The following LPAR1 variants were observed in gnomAD, a reference collection of about 807,000 sequenced individuals.
LPAR1 encodes lysophosphatidic acid receptor 1.
Under a neutral mutation model 23.8 loss-of-function variants are expected in LPAR1, and 5 were observed. The observed-to-expected ratio is 0.21, with a 90% CI of 0.11 to 0.44. The LOEUF (loss-of-function observed/expected upper bound fraction) is 0.44, where lower values mean the gene tolerates loss of function less well. Ranked by LOEUF, LPAR1 falls within the 20% of genes least tolerant of loss-of-function variation. The probability of loss-of-function intolerance (pLI) is 0.99; values close to 1 mark genes in which losing one functional copy is unlikely to be tolerated. For missense variants in LPAR1, 311 were observed against 482.8 expected (o/e 0.64, Z 3.33); for synonymous variants, 160 against 164.7 (o/e 0.97, Z 0.22).
At chr9:110,943,837 G>A (rs2095271931) in intron 4 of LPAR1, among the ~76,000 whole-genome samples, 1 of 136,918 alleles carries the variant, frequency 7.3e-6, no homozygotes, top group Non-Finnish European at 1.5e-5. Flanking sequence ...TCCAGCCTGA[G>A]TAACAAAGCA....
intron 5 of LPAR1, among the ~76,000 whole-genome samples, chr9:110,894,361 T>TCC (rs200365241): frequency 0.015 from 2,338 of 152,318 alleles, 24 homozygotes; most frequent in Non-Finnish European, 0.023. Flanking sequence ...AGCCTCAATA[T>TCC]CCTTATCTGT....
At chr9:110,905,726 C>T (rs559734175) in intron 5 of LPAR1, among the ~76,000 whole-genome samples, 133 of 152,258 alleles carry the variant, frequency 8.7e-4, no homozygotes, top group Non-Finnish European at 1.5e-3. Flanking sequence ...CTTGCATTTT[C>T]TTATCAGTAA....
intron 4 of LPAR1, among the ~76,000 whole-genome samples, chr9:110,955,677 T>A (rs2095713494): frequency 1.4e-5 from 2 of 146,398 alleles, no homozygotes; most frequent in African/African-American, 2.5e-5. Context: ...TCAACAAATT[T>A]AAATAAAAAT....
At chr9:111,000,148 T>C (rs1403188511) in intron 2 of LPAR1, among the ~76,000 whole-genome samples, 1 of 152,196 alleles carries the variant, frequency 6.6e-6, no homozygotes, top group African/African-American at 2.4e-5. Context: ...CTTCAGTCCA[T>C]AACACTGCTA....
At chr9:110,905,349 AT>A (rs568073138) in intron 5 of LPAR1, among the ~76,000 whole-genome samples, 318 of 145,016 alleles carry the variant, frequency 2.2e-3, no homozygotes, top group African/African-American at 3.5e-3. Context: ...TTTTTTTATT[AT>A]TTTTTTTTTT....
At chr9:110,882,291 G>A (rs2081093654) in intron 5 of LPAR1, among the ~76,000 whole-genome samples, 1 of 152,128 alleles carries the variant, frequency 6.6e-6, no homozygotes, top group Admixed American at 6.5e-5. Context: ...CTGTATCTCT[G>A]GAATCTAGAA....
intron 4 of LPAR1, among the ~76,000 whole-genome samples, chr9:110,944,840 C>T (rs536992554): frequency 3.6e-4 from 55 of 152,138 alleles, no homozygotes; most frequent in African/African-American, 1.2e-3. Context: ...AAATGATTTT[C>T]GAAACTCAAT....
At chr9:110,911,385 C>A (rs2092410700) in intron 5 of LPAR1, among the ~76,000 whole-genome samples, 1 of 151,904 alleles carries the variant, frequency 6.6e-6, no homozygotes, top group Non-Finnish European at 1.5e-5. Context: ...CATTTCTACC[C>A]AAAATACAAA....
At chr9:110,940,281 C>T (rs1391635421) in intron 5 of LPAR1, among the ~76,000 whole-genome samples, 1 of 152,174 alleles carries the variant, frequency 6.6e-6, no homozygotes, top group Non-Finnish European at 1.5e-5. Context: ...ATGCATCAAT[C>T]TGAATACTAC....
At chr9:110,917,965 C>T (rs975133334) in intron 5 of LPAR1, among the ~76,000 whole-genome samples, 1 of 152,128 alleles carries the variant, frequency 6.6e-6, no homozygotes, top group Non-Finnish European at 1.5e-5. Flanking sequence ...TACAGTGGCA[C>T]GATCACAGCT....
At chr9:110,990,037 T>TA (rs1462801825) in intron 2 of LPAR1, among the ~76,000 whole-genome samples, 1 of 152,118 alleles carries the variant, frequency 6.6e-6, no homozygotes, top group African/African-American at 2.4e-5. Flanking sequence ...TTCATAATGA[T>TA]AGAGTCTCTT....
chr9:110,892,884 C>CA (rs1197398443), intron 5 of LPAR1, among the ~76,000 whole-genome samples: 8 of 139,816 alleles, frequency 5.7e-5, no homozygotes, highest in African/African-American at 1.8e-4. Flanking sequence ...CAGGCAGGCT[C>CA]AAAAACACTC....
chr9:110,911,269 G>A (rs539664602), intron 5 of LPAR1, among the ~76,000 whole-genome samples: 1 of 152,266 alleles, frequency 6.6e-6, no homozygotes, highest in South Asian at 2.1e-4. Flanking sequence ...GACCTGTGCA[G>A]GGCATGGTGG....
chr9:110,983,797 A>G (rs954663987), intron 2 of LPAR1, among the ~76,000 whole-genome samples: 2 of 152,040 alleles, frequency 1.3e-5, no homozygotes, highest in African/African-American at 4.8e-5. Flanking sequence ...AAATCAAATC[A>G]TAATGGGAAA....
intron 2 of LPAR1, among the ~76,000 whole-genome samples, chr9:110,981,551 A>G (rs570909762): frequency 2.6e-5 from 4 of 151,860 alleles, no homozygotes; most frequent in Non-Finnish European, 5.9e-5. Flanking sequence ...ACATTTTTAA[A>G]TTATAAACAT....
At chr9:110,973,228 T>C (rs146178506) in intron 3 of LPAR1, among the ~76,000 whole-genome samples, 137 of 152,280 alleles carry the variant, frequency 9.0e-4, no homozygotes, top group African/African-American at 3.1e-3. Flanking sequence ...AAGCTTCGGA[T>C]AAAAGTAGAC....
intron 5 of LPAR1, among the ~76,000 whole-genome samples, chr9:110,898,638 T>C (rs1475211396): frequency 2.0e-5 from 3 of 152,178 alleles, no homozygotes; most frequent in Non-Finnish European, 2.9e-5. Context: ...GCCTCCAATA[T>C]TGTCCTTTCC....
intron 5 of LPAR1, among the ~76,000 whole-genome samples, chr9:110,885,549 A>T (rs902278730): frequency 6.6e-6 from 1 of 152,234 alleles, no homozygotes; most frequent in Non-Finnish European, 1.5e-5. Flanking sequence ...TCCAGGATGT[A>T]TGCACACATA....
intron 5 of LPAR1, among the ~76,000 whole-genome samples, chr9:110,876,802 G>C (rs528180660): frequency 9.2e-5 from 14 of 152,178 alleles, no homozygotes; most frequent in Non-Finnish European, 1.9e-4. Context: ...ATATAGATGA[G>C]ATGCTTAATT....
Sources: gnomAD v4.1 joint callset for allele counts (sites outside exome capture counted in the v4.1 genomes callset) on GRCh38, gnomAD v4.1.1 for gene constraint, MANE v1.5 for transcripts, NCBI Gene and HGNC (gene_info 2026-07-23, HGNC 2026-07-21) for gene names.